Variants in ARL8B observed in about 807,000 individuals in gnomAD.
ARL8B encodes the protein ADP-ribosylation factor-like protein 8B.
In ARL8B, 9 loss-of-function variants were observed where a neutral mutation model predicts 30.6. That is an observed-to-expected ratio of 0.29 (90% CI 0.18 to 0.51). The LOEUF (loss-of-function observed/expected upper bound fraction) is 0.51, where lower values mean the gene tolerates loss of function less well. Ranked by LOEUF, ARL8B falls within the 20% of genes least tolerant of loss-of-function variation. The pLI, the probability that ARL8B is intolerant of heterozygous loss-of-function variation, is 0.97. For synonymous variants in ARL8B, 74 were observed against 76.0 expected (o/e 0.97, Z 0.14); for missense variants, 130 against 227.2 (o/e 0.57, Z 2.75).
intron 1 of ARL8B, among the ~76,000 whole-genome samples, chr3:5,133,384 C>T (rs1182179733): frequency 6.6e-6 from 1 of 152,106 alleles, no homozygotes; most frequent in Non-Finnish European, 1.5e-5. Flanking sequence ...AAGGTTATTA[C>T]AGAGGTCTGG....
At position 5,170,654 on chromosome 3, in the gene ARL8B, C is replaced by T. The variant is rs1559286064; in HGVS notation, c.204+71C>T. ...CCCTAGAAATTTTTCTGTTAAATTT[C>T]TGTGTTTTTACTGAAAATTTGCAGT... is the stretch of plus-strand genomic sequence containing the variant. On this transcript the variant is annotated intron_variant, in intron 2 of 6. Transcript: ENST00000256496. 3 of 1,202,102 alleles carry T rather than the reference C, an allele frequency of 2.5e-6. No individual in the cohort carries two copies. In the African/African-American group the frequency reaches 4.7e-5, roughly 19 times the overall value. The allele number at this position is 1,202,102 out of a possible 1,614,324, so 74.5% of individuals were successfully genotyped here. A position where few individuals can be genotyped will look rare whatever the true frequency, so the allele number is the denominator to read the frequency against.
chr3:5,132,809 CG>C (rs2054294397), intron 1 of ARL8B, among the ~76,000 whole-genome samples: 1 of 152,072 alleles, frequency 6.6e-6, no homozygotes, highest in South Asian at 2.1e-4. Flanking sequence ...CATTTATGGT[CG>C]GGTATGTGCC....
At position 5,172,695 on chromosome 3, in the gene ARL8B, T is replaced by C. The variant is rs752216749; in HGVS notation, c.327T>C (p.Asn109=). The C allele has an allele frequency of 1.4e-5, 22 of 1,612,408 alleles. No homozygotes were observed. The South Asian group carries it at 2.3e-4, about 17-fold the overall frequency. Residue 109 remains asparagine (N), a synonymous_variant, in exon 4 of 7, where the codon AAT becomes AAC. Coordinates refer to ENST00000256496, the MANE Select transcript of ARL8B (RefSeq NM_018184.3). The part of the protein sequence containing the change: ...ADREKIEASR[N]ELHNLLDKPQ... ...GTGAAAAGATAGAAGCTTCCCGAAA[T>C]GAGCTACATAATCTTCTAGATAAAC...
intron 2 of ARL8B, 129 bp from the exon 3 acceptor site, chr3:5,172,021 A>C (rs2054681193): frequency 1.3e-6 from 1 of 798,666 alleles, no homozygotes; most frequent in South Asian, 2.0e-5. Flanking sequence ...CAAGTCTTTC[A>C]GGAGCACTTT....
At chr3:5,169,836 G>A (rs867373675) in intron 1 of ARL8B, among the ~76,000 whole-genome samples, 11 of 152,098 alleles carry the variant, frequency 7.2e-5, no homozygotes, top group African/African-American at 2.2e-4. Context: ...TTTTTCTGAA[G>A]TTAATAAAAC....
chr3:5,177,749 C>T (rs1042280284), intron 6 of ARL8B, among the ~76,000 whole-genome samples: 1 of 152,274 alleles, frequency 6.6e-6, no homozygotes, highest in Non-Finnish European at 1.5e-5. Context: ...CCACCGTGCC[C>T]GGCCATGAAT....
chr3:5,142,178 G>A (rs2054380367), intron 1 of ARL8B, among the ~76,000 whole-genome samples: 1 of 152,156 alleles, frequency 6.6e-6, no homozygotes, highest in South Asian at 2.1e-4. Context: ...TTTTCCCATA[G>A]TACCACCAGA....
intron 1 of ARL8B, among the ~76,000 whole-genome samples, chr3:5,147,352 A>G (rs2054428884): frequency 6.6e-6 from 1 of 152,142 alleles, no homozygotes; most frequent in African/African-American, 2.4e-5. Flanking sequence ...ACATGAACTC[A>G]TCCTTTTTTA....
chr3:5,151,727 C>T (rs547322311), intron 1 of ARL8B, among the ~76,000 whole-genome samples: 1 of 126,404 alleles, frequency 7.9e-6, no homozygotes, highest in East Asian at 2.2e-4. Context: ...CCCCACCCCC[C>T]CCCTTGGAGA....
intron 1 of ARL8B, among the ~76,000 whole-genome samples, chr3:5,144,019 G>A (rs1446553848): frequency 6.6e-6 from 1 of 152,228 alleles, no homozygotes; most frequent in Admixed American, 6.5e-5. Context: ...TTGAGAGTTT[G>A]ATTCATTCTT....
chr3:5,148,335 T>C, intron 1 of ARL8B, among the ~76,000 whole-genome samples: 1 of 152,230 alleles, frequency 6.6e-6, no homozygotes, highest in Non-Finnish European at 1.5e-5. Flanking sequence ...CATTGCTAGA[T>C]GCCTGCTGTG....
At chr3:5,169,705 C>G (rs6764910) in intron 1 of ARL8B, among the ~76,000 whole-genome samples, 63,109 of 151,882 alleles carry the variant, frequency 0.42, 14,563 homozygotes, top group African/African-American at 0.64. Flanking sequence ...TCATGGCTTA[C>G]TTTTGATATA....
chr3:5,148,033 C>T (rs2054445339), intron 1 of ARL8B, among the ~76,000 whole-genome samples: 1 of 151,604 alleles, frequency 6.6e-6, no homozygotes, highest in African/African-American at 2.4e-5. Flanking sequence ...GATTTTTGTT[C>T]AGCTGGCAAG....
chr3:5,176,524 G>T (rs897796750), intron 6 of ARL8B, among the ~76,000 whole-genome samples: 1 of 152,152 alleles, frequency 6.6e-6, no homozygotes, highest in African/African-American at 2.4e-5. Context: ...GAGCCACCAC[G>T]CCCAGCCACA....
intron 1 of ARL8B, among the ~76,000 whole-genome samples, chr3:5,150,202 C>G (rs949112265): frequency 6.6e-6 from 1 of 152,134 alleles, no homozygotes; most frequent in Non-Finnish European, 1.5e-5. Context: ...GTGGCTTACG[C>G]TTGTAATCCC....
At chr3:5,174,490 CT>C in intron 6 of ARL8B, 76 bp downstream of exon 6, 1 of 971,574 alleles carries the variant, frequency 1.0e-6, no homozygotes, top group South Asian at 1.4e-5. Flanking sequence ...AGCTTATTGT[CT>C]CGATTTCTCA....
chr3:5,126,466 A>T (rs2054230652), intron 1 of ARL8B, among the ~76,000 whole-genome samples: 1 of 152,232 alleles, frequency 6.6e-6, no homozygotes, highest in Admixed American at 6.5e-5. Context: ...AACATTTTGT[A>T]AACATTAAAA....
chr3:5,180,556 A>G lies in ARL8B; in HGVS notation c.*1843A>G, dbSNP rs1392469099. 2.6e-5 allele frequency: 4 copies of G among 152,678 alleles called. No homozygotes were observed. Among genetic ancestry groups the G allele is most frequent in the African/African-American group, 4.8e-5 (2 of 41,472 alleles). 9.5% of individuals were successfully genotyped at this position (152,678 alleles called of 1,614,324 possible). On this transcript the variant is annotated 3_prime_UTR_variant, in exon 7 of 7. Transcript: ENST00000256496. ...CCTTAATGTGTTTGTGTGTCTATAC[A>G]TTGCTTTCCGCATTTCAAGACATCC...
rs888942030 is a variant in ARL8B at position 5,180,202 on chromosome 3, A to G, written c.*1489A>G. ...TATCAGTTTTAATTTATAGACTGCC[A>G]TGGCCTTAAAAATATTCTGTACAAT... is the stretch of plus-strand genomic sequence containing the variant. On this transcript the variant is annotated 3_prime_UTR_variant, in exon 7 of 7. Transcript: ENST00000256496. 3 of 152,682 alleles carry G rather than the reference A, an allele frequency of 2.0e-5. No homozygotes were observed. The highest frequency in any genetic ancestry group is 6.5e-5 in the Admixed American group (1 of 15,284). 9.5% of individuals were successfully genotyped at this position (152,682 alleles called of 1,614,324 possible). A position where few individuals can be genotyped will look rare whatever the true frequency, so the allele number is the denominator to read the frequency against.
Sources: allele counts gnomAD v4.1 joint callset (sites outside exome capture counted in the v4.1 genomes callset), GRCh38; gene constraint gnomAD v4.1.1; transcripts MANE v1.5; gene names NCBI Gene and HGNC (gene_info 2026-07-23, HGNC 2026-07-21).